Variants in ZNF362 observed in about 807,000 individuals in gnomAD.
ZNF362 encodes the protein zinc finger protein 362.
Under a neutral mutation model 42.9 loss-of-function variants are expected in ZNF362, and 11 were observed. The observed-to-expected ratio is 0.26, with a 90% CI of 0.16 to 0.42. The LOEUF (loss-of-function observed/expected upper bound fraction) is 0.42, where lower values mean the gene tolerates loss of function less well. Among genes scored for constraint, ZNF362 ranks in the 20% least tolerant of loss-of-function variants. ZNF362 has a pLI of 1.00. For synonymous variants in ZNF362, 255 were observed against 257.3 expected (o/e 0.99, Z 0.09); for missense variants, 362 against 576.2 (o/e 0.63, Z 3.81).
In ZNF362 at chr1:33,298,915, C is replaced by T; in HGVS notation, c.1147-15C>T. 1 of 1,610,042 alleles carries T rather than the reference C, an allele frequency of 6.2e-7. No homozygotes were observed. The highest frequency in any genetic ancestry group is 8.5e-7 in the Non-Finnish European group (1 of 1,176,544). On this transcript the variant is annotated splice_polypyrimidine_tract_variant and intron_variant, in intron 8 of 8. Coordinates refer to ENST00000539719, the MANE Select transcript of ZNF362 (RefSeq NM_152493.3). ...GCTGGTGGTTCCCTGTTCTGAATCT[C>T]ATCCCTGCCCACAGGAGACCTACCT...
Position 33,270,862 on chromosome 1 carries a change from G to A in ZNF362, c.38+250G>A, listed in dbSNP as rs556049555. Among the ~76,000 whole-genome samples, 24 of 152,262 alleles carry A rather than the reference G, an allele frequency of 1.6e-4. No homozygotes were observed. In the South Asian group the frequency reaches 5.0e-3, roughly 32 times the overall value. ...GGCCACAGGTCTGTATCTGTCATTT[G>A]TGTCTGGGTTTGGTGCTGTCTGTCC... On this transcript the variant is annotated intron_variant, in intron 2 of 8. Coordinates refer to ENST00000539719, the MANE Select transcript of ZNF362 (RefSeq NM_152493.3).
chr1:33,290,667 T>C (rs1212369458), intron 6 of ZNF362, among the ~76,000 whole-genome samples: 10 of 151,580 alleles, frequency 6.6e-5, no homozygotes. Flanking sequence ...TGAACTAGTT[T>C]ACAGTCCCAC....
chr1:33,213,801 C>T, the ZNF362 span, among the ~76,000 whole-genome samples: 8 of 152,006 alleles, frequency 5.3e-5, no homozygotes, highest in Non-Finnish European at 1.2e-4. Context: ...ACTGAGATCA[C>T]GCCACTGCAC....
the ZNF362 span, among the ~76,000 whole-genome samples, chr1:33,179,198 A>C: frequency 0.99 from 150,061 of 152,328 alleles, 73,958 homozygotes; most frequent in Middle Eastern, 1. Flanking sequence ...CAGCGCCTAA[A>C]ACGATGGCTC....
chr1:33,267,580 T>G (rs926217354), intron 1 of ZNF362, among the ~76,000 whole-genome samples: 1 of 152,178 alleles, frequency 6.6e-6, no homozygotes, highest in African/African-American at 2.4e-5. Flanking sequence ...AGGGCCTGAT[T>G]GTCTGGATTC....
the ZNF362 span, among the ~76,000 whole-genome samples, chr1:33,149,458 T>TA: frequency 0.031 from 4,518 of 146,686 alleles, 169 homozygotes; most frequent in African/African-American, 0.09. Flanking sequence ...TGGATTCTTT[T>TA]AAAAAAAAAA....
chr1:33,274,181 A>G (rs1645925630), intron 2 of ZNF362, among the ~76,000 whole-genome samples: 1 of 152,224 alleles, frequency 6.6e-6, no homozygotes, highest in Non-Finnish European at 1.5e-5. Flanking sequence ...AGGATGCGTC[A>G]TTCCCCTGAA....
intron 8 of ZNF362, among the ~76,000 whole-genome samples, chr1:33,297,436 T>TA (rs1646132555): frequency 1.3e-5 from 2 of 151,866 alleles, no homozygotes; most frequent in Admixed American, 1.3e-4. Flanking sequence ...CATCATCAGA[T>TA]ACTCAAATAC....
chr1:33,195,338 GGAA>G, the ZNF362 span: 2 of 152,096 alleles, frequency 1.3e-5, no homozygotes, highest in South Asian at 4.1e-4. Flanking sequence ...CAATCAAAAT[GGAA>G]GAATAAGAAC....
chr1:33,300,342 C>A lies in ZNF362; in HGVS notation c.*1296C>A, dbSNP rs1044720230. On this transcript the variant is annotated 3_prime_UTR_variant, in exon 9 of 9. Coordinates refer to ENST00000539719, the MANE Select transcript of ZNF362 (RefSeq NM_152493.3). ...CACCCCCGGCCCTTTGTTTGACTTG[C>A]GTCGTCTGATACTCAGTATTGTAGC... The A allele has an allele frequency of 7.7e-6, 1 of 129,272 alleles. No homozygotes were observed. Among genetic ancestry groups the A allele is most frequent in the Non-Finnish European group, 1.6e-5 (1 of 63,062 alleles). The allele number at this position is 129,272 out of a possible 1,614,324, so 8.0% of individuals were successfully genotyped here. A position where few individuals can be genotyped will look rare whatever the true frequency, so the allele number is the denominator to read the frequency against.
chr1:33,154,267 G>A, the ZNF362 span, among the ~76,000 whole-genome samples: 3 of 151,402 alleles, frequency 2.0e-5, no homozygotes, highest in African/African-American at 4.9e-5. Context: ...CCAAGGCTCC[G>A]ATTCCCTCCC....
chr1:33,283,670 A>C (rs982222679), intron 6 of ZNF362, among the ~76,000 whole-genome samples: 2 of 152,084 alleles, frequency 1.3e-5, no homozygotes, highest in Non-Finnish European at 2.9e-5. Context: ...ACACCACTGC[A>C]CTCCAGCCTG....
At chr1:33,247,820 T>G in the ZNF362 span, among the ~76,000 whole-genome samples, 1 of 152,112 alleles carries the variant, frequency 6.6e-6, no homozygotes, top group East Asian at 1.9e-4. Flanking sequence ...CTGAAGACAA[T>G]TTATGGATGA....
the ZNF362 span, among the ~76,000 whole-genome samples, chr1:33,151,289 G>A: frequency 3.3e-5 from 5 of 152,190 alleles, no homozygotes; most frequent in South Asian, 2.1e-4. Context: ...TCACTGGGCC[G>A]GCCTAGGGGC....
chr1:33,270,721 T>G, intron 2 of ZNF362, 109 bp downstream of exon 2: 1 of 1,534,092 alleles, frequency 6.5e-7, no homozygotes, highest in Admixed American at 2.0e-5. Flanking sequence ...GCTGCTACCC[T>G]CTGGGTCTGC....
chr1:33,252,803 G>C (rs1187261656), upstream of ZNF362, among the ~76,000 whole-genome samples: 1 of 152,152 alleles, frequency 6.6e-6, no homozygotes, highest in Admixed American at 6.5e-5. Flanking sequence ...ACACACAATA[G>C]TTAGAATACA....
chr1:33,248,702 A>C, the ZNF362 span, among the ~76,000 whole-genome samples: 1 of 152,174 alleles, frequency 6.6e-6, no homozygotes, highest in Non-Finnish European at 1.5e-5. Flanking sequence ...CTCTCTGCCC[A>C]GTGCCAAGCC....
At chr1:33,147,673 G>A in the ZNF362 span, 8 of 1,613,676 alleles carry the variant, frequency 5.0e-6, no homozygotes, top group African/African-American at 1.3e-5. This position sits in a 1 kb window ranked among gnomAD's most constrained non-coding sequence, Gnocchi z 8.1. Flanking sequence ...GCAGTCGTCC[G>A]ACAGGATCAG....
At chr1:33,195,904 A>G in the ZNF362 span, 2 of 152,110 alleles carry the variant, frequency 1.3e-5, no homozygotes, top group African/African-American at 4.8e-5. Flanking sequence ...TAACTTTTTT[A>G]CTTTATAAAC....
Sources: gnomAD v4.1 joint callset for allele counts (sites outside exome capture counted in the v4.1 genomes callset) on GRCh38, gnomAD v4.1.1 for gene constraint, Gnocchi (gnomAD v3.1) non-coding constraint, MANE v1.5 for transcripts, NCBI Gene and HGNC (gene_info 2026-07-23, HGNC 2026-07-21) for gene names.